Variants in AOAH observed in about 807,000 individuals in gnomAD.
AOAH encodes the protein acyloxyacyl hydrolase (neutrophil).
Under a neutral mutation model 92.2 loss-of-function variants are expected in AOAH, and 64 were observed. The ratio of observed to expected loss-of-function variants is 0.69; its 90% CI spans 0.57 to 0.86. The LOEUF (loss-of-function observed/expected upper bound fraction) is 0.86, where lower values mean the gene tolerates loss of function less well. Ranked by LOEUF, AOAH falls within the 40% of genes least tolerant of loss-of-function variation. AOAH has a pLI of 0.00. For missense variants in AOAH, 656 were observed against 694.6 expected, an observed-to-expected ratio of 0.94 and a Z score of 0.62; for synonymous variants, 263 against 254.5, an observed-to-expected ratio of 1.03 and a Z score of -0.32.
intron 4 of AOAH, 112 bp from the exon 5 acceptor site, chr7:36,638,022 C>A: frequency 1.2e-6 from 1 of 800,780 alleles, no homozygotes; most frequent in South Asian, 1.8e-5. Flanking sequence ...ATGAACCACT[C>A]CATAAATTTG....
Position 36,623,178 on chromosome 7 carries a change from A to G in AOAH, c.582+12T>C. 3 of 1,611,206 alleles carry G rather than the reference A, an allele frequency of 1.9e-6. No homozygotes were observed. The highest frequency in any genetic ancestry group is 1.7e-6 in the Non-Finnish European group (2 of 1,177,298). The stretch of plus-strand genomic sequence containing the variant: ...TGTTAGTGAACATCTGGTTATTCCT[A>G]ACAATACTTACTGGGAAAACGCTGT... On this transcript the variant is annotated intron_variant, in intron 7 of 20. Coordinates refer to ENST00000617537, the MANE Select transcript of AOAH (RefSeq NM_001637.4).
chr7:36,624,570 C>T (rs1043583126), intron 6 of AOAH, among the ~76,000 whole-genome samples: 3 of 152,202 alleles, frequency 2.0e-5, no homozygotes, highest in Non-Finnish European at 4.4e-5. Context: ...GGGAATTTTG[C>T]AAAATATACT....
chr7:36,641,201 C>T (rs1793882345), intron 4 of AOAH, among the ~76,000 whole-genome samples: 1 of 152,186 alleles, frequency 6.6e-6, no homozygotes, highest in Non-Finnish European at 1.5e-5. Context: ...CCAGAGCTTT[C>T]AGTCTTCAAG....
intron 6 of AOAH, among the ~76,000 whole-genome samples, chr7:36,625,379 G>A (rs1490841702): frequency 6.6e-6 from 1 of 152,152 alleles, no homozygotes; most frequent in Non-Finnish European, 1.5e-5. Flanking sequence ...ACCTCCCTGA[G>A]CCTCATTTTT....
rs75007454 is a variant in AOAH at position 36,603,316 on chromosome 7, C to T, written c.847-8886G>A. Among the ~76,000 whole-genome samples, 1,344 of 152,298 alleles carry T rather than the reference C, an allele frequency of 8.8e-3. 13 individuals are homozygous for T. The highest frequency in any genetic ancestry group is 0.017 in the Middle Eastern group (5 of 294). On this transcript the variant is annotated intron_variant, in intron 11 of 20. Transcript: ENST00000617537. ...CAATCTGGGTCCCCTGAACCTACCC[C>T]TATCCCCGCAGACCTCCAGGTCTCA...
At chr7:36,518,954 A>AT (rs1783969179) in intron 20 of AOAH, among the ~76,000 whole-genome samples, 1 of 152,188 alleles carries the variant, frequency 6.6e-6, no homozygotes, top group Non-Finnish European at 1.5e-5. Flanking sequence ...CTTGAATAAA[A>AT]TCTCTGATAA....
chr7:36,612,299 C>A (rs1189785886), intron 11 of AOAH, among the ~76,000 whole-genome samples: 2 of 152,182 alleles, frequency 1.3e-5, no homozygotes, highest in Non-Finnish European at 2.9e-5. Flanking sequence ...AAAATTGGCT[C>A]ATACATACTA....
At chr7:36,519,893 G>C (rs1023358925) in intron 20 of AOAH, among the ~76,000 whole-genome samples, 6 of 152,140 alleles carry the variant, frequency 3.9e-5, no homozygotes, top group African/African-American at 1.4e-4. Context: ...GCATTTTCTT[G>C]TTCACTCTTG....
At chr7:36,581,325 G>A (rs1254383244) in intron 12 of AOAH, among the ~76,000 whole-genome samples, 3 of 152,128 alleles carry the variant, frequency 2.0e-5, no homozygotes, top group Non-Finnish European at 4.4e-5. Context: ...TGTGGCTGTT[G>A]GCTCTTCTTG....
At chr7:36,596,670 A>G (rs1178901075) in intron 11 of AOAH, among the ~76,000 whole-genome samples, 1 of 152,134 alleles carries the variant, frequency 6.6e-6, no homozygotes, top group Non-Finnish European at 1.5e-5. Context: ...GCTGGAAGAG[A>G]GGCATGGAAT....
At chr7:36,514,645 A>G (rs1790234200) in intron 20 of AOAH, 3 of 1,254,178 alleles carry the variant, frequency 2.4e-6, no homozygotes, top group African/African-American at 1.5e-5. Context: ...TGCAGACTCC[A>G]GATGGCTCCA....
At chr7:36,688,444 T>C (rs1338137051) in intron 1 of AOAH, among the ~76,000 whole-genome samples, 1 of 152,176 alleles carries the variant, frequency 6.6e-6, no homozygotes, top group African/African-American at 2.4e-5. Flanking sequence ...TTTTACACCC[T>C]AGTTTATGTC....
intron 1 of AOAH, among the ~76,000 whole-genome samples, chr7:36,702,599 T>A (rs1200154648): frequency 6.6e-6 from 1 of 152,136 alleles, no homozygotes; most frequent in Admixed American, 6.6e-5. Context: ...CATACTGGAG[T>A]CTTTTAAATG....
rs1018568949 is a variant in AOAH, at chr7:36,609,830, T to C, written c.846+6550A>G. Reference sequence around the variant, plus strand: ...TCATCCGATCACAGGGCTTGGCACATAGTAGACCTGGCTAGCATTTGTTGA... The same window carrying C: ...TCATCCGATCACAGGGCTTGGCACACAGTAGACCTGGCTAGCATTTGTTGA... On this transcript the variant is annotated intron_variant, in intron 11 of 20. Transcript: ENST00000617537. Among the ~76,000 whole-genome samples, 3 of 152,198 alleles carry C rather than the reference T, an allele frequency of 2.0e-5. No individual in the cohort carries two copies. In the East Asian group the frequency reaches 5.8e-4, roughly 29 times the overall value.
intron 3 of AOAH, among the ~76,000 whole-genome samples, chr7:36,671,309 C>G (rs567335938): frequency 1.3e-5 from 2 of 152,258 alleles, no homozygotes; most frequent in South Asian, 4.1e-4. Context: ...ACAAAGCTCT[C>G]TCCTTTTCCC....
At chr7:36,654,580 G>A (rs190826016) in intron 4 of AOAH, among the ~76,000 whole-genome samples, 23 of 152,180 alleles carry the variant, frequency 1.5e-4, no homozygotes, top group African/African-American at 2.9e-4. Flanking sequence ...TTGCTTCTGC[G>A]CTATGAGCTC....
At chr7:36,600,961 C>T (rs575297812) in intron 11 of AOAH, among the ~76,000 whole-genome samples, 10 of 152,052 alleles carry the variant, frequency 6.6e-5, no homozygotes, top group Admixed American at 5.2e-4. Context: ...ATACTGAAAC[C>T]ATATGTGACC....
chr7:36,587,027 G>A (rs1583880159), intron 12 of AOAH, among the ~76,000 whole-genome samples: 3 of 151,978 alleles, frequency 2.0e-5, no homozygotes, highest in African/African-American at 4.8e-5. Flanking sequence ...ATCCCAGCAC[G>A]TTGGGAGGCT....
intron 1 of AOAH, among the ~76,000 whole-genome samples, chr7:36,701,363 G>A (rs1353230536): frequency 1.3e-5 from 2 of 151,706 alleles, no homozygotes; most frequent in Non-Finnish European, 1.5e-5. Flanking sequence ...CGATTAAGAA[G>A]AGAGGAGTGT....
Sources: allele counts gnomAD v4.1 joint callset (sites outside exome capture counted in the v4.1 genomes callset), GRCh38; gene constraint gnomAD v4.1.1; transcripts MANE v1.5; gene names NCBI Gene and HGNC (gene_info 2026-07-23, HGNC 2026-07-21).